The following MAPK4 variants were observed in gnomAD, a reference collection of about 807,000 sequenced individuals.
The protein encoded by MAPK4 is mitogen-activated protein kinase 4.
In MAPK4, 22 loss-of-function variants were observed where a neutral mutation model predicts 47.7. That is an observed-to-expected ratio of 0.46 (90% CI 0.33 to 0.66). MAPK4 has a LOEUF of 0.66. Ranked by LOEUF, MAPK4 falls within the 30% of genes least tolerant of loss-of-function variation. The pLI is 0.02. For synonymous variants in MAPK4, 390 were observed against 365.7 expected (o/e 1.07, Z -0.76); for missense variants, 736 against 831.7 (o/e 0.88, Z 1.42).
intron 1 of MAPK4, among the ~76,000 whole-genome samples, chr18:50,593,527 A>G (rs2042455957): frequency 6.6e-6 from 1 of 152,202 alleles, no homozygotes; most frequent in Non-Finnish European, 1.5e-5. Flanking sequence ...TGTGAAGTGG[A>G]ACGAATCCTA....
intron 1 of MAPK4, among the ~76,000 whole-genome samples, chr18:50,653,182 T>C (rs369885378): frequency 2.7e-5 from 4 of 150,772 alleles, no homozygotes; most frequent in African/African-American, 9.8e-5. Context: ...GAGCAAGACC[T>C]TAGTCTCAAA....
intron 1 of MAPK4, among the ~76,000 whole-genome samples, chr18:50,564,837 T>C (rs1488976905): frequency 6.6e-6 from 1 of 152,078 alleles, no homozygotes; most frequent in Non-Finnish European, 1.5e-5. Context: ...TAACCACCAG[T>C]CGGGAAGGAA....
chr18:50,719,969 A>C (rs894697199), intron 3 of MAPK4, among the ~76,000 whole-genome samples: 1 of 152,226 alleles, frequency 6.6e-6, no homozygotes, highest in African/African-American at 2.4e-5. Flanking sequence ...AAGTCCTTCC[A>C]GGAGATTCCT....
intron 2 of MAPK4, among the ~76,000 whole-genome samples, chr18:50,700,548 C>T (rs1909734129): frequency 1.3e-5 from 2 of 152,290 alleles, no homozygotes; most frequent in South Asian, 4.1e-4. Context: ...CTTCTGTGGG[C>T]CCATCTGCTG....
chr18:50,571,212 T>C (rs2042247193), intron 1 of MAPK4, among the ~76,000 whole-genome samples: 1 of 152,182 alleles, frequency 6.6e-6, no homozygotes, highest in South Asian at 2.1e-4. Context: ...TGCGGATTTT[T>C]AATTTCACAG....
chr18:50,716,813 C>G (rs1053601495), intron 3 of MAPK4, among the ~76,000 whole-genome samples: 1 of 152,142 alleles, frequency 6.6e-6, no homozygotes, highest in Admixed American at 6.5e-5. Context: ...TCAGGGGCAC[C>G]GTCTCCCCTC....
chr18:50,583,160 C>T (rs1427288549), intron 1 of MAPK4, among the ~76,000 whole-genome samples: 3 of 152,108 alleles, frequency 2.0e-5, no homozygotes, highest in Admixed American at 6.5e-5. Flanking sequence ...AAAGAGGGGA[C>T]CCTGAAAGCA....
At chr18:50,611,390 A>T (rs1482023091) in intron 1 of MAPK4, among the ~76,000 whole-genome samples, 1 of 152,218 alleles carries the variant, frequency 6.6e-6, no homozygotes, top group Non-Finnish European at 1.5e-5. Flanking sequence ...ATCATGTTTT[A>T]AAAAATTAAG....
chr18:50,599,853 A>G (rs1231615831), intron 1 of MAPK4, among the ~76,000 whole-genome samples: 2 of 152,218 alleles, frequency 1.3e-5, no homozygotes, highest in Non-Finnish European at 2.9e-5. Context: ...CCTGAGGAGT[A>G]TCTAAGTCAT....
At chr18:50,574,466 A>C (rs2042277873) in intron 1 of MAPK4, among the ~76,000 whole-genome samples, 1 of 152,208 alleles carries the variant, frequency 6.6e-6, no homozygotes, top group Non-Finnish European at 1.5e-5. Context: ...GAGGAACCTG[A>C]AGATCAAATA....
At chr18:50,566,073 G>A (rs2042195798) in intron 1 of MAPK4, among the ~76,000 whole-genome samples, 1 of 152,178 alleles carries the variant, frequency 6.6e-6, no homozygotes, top group Non-Finnish European at 1.5e-5. Flanking sequence ...CTTTAGTGTA[G>A]AAATGTTAAA....
At chr18:50,635,762 C>G (rs1239499043) in intron 1 of MAPK4, among the ~76,000 whole-genome samples, 1 of 152,168 alleles carries the variant, frequency 6.6e-6, no homozygotes, top group African/African-American at 2.4e-5. Flanking sequence ...CCACAGGCCC[C>G]CATGGTCTGG....
intron 1 of MAPK4, among the ~76,000 whole-genome samples, chr18:50,631,738 G>A (rs962288287): frequency 6.6e-6 from 1 of 152,088 alleles, no homozygotes. Flanking sequence ...GTCCTCTTAG[G>A]GCAAAAACCT....
intron 1 of MAPK4, among the ~76,000 whole-genome samples, chr18:50,582,832 A>G (rs1012700087): frequency 1.3e-5 from 2 of 152,274 alleles, no homozygotes; most frequent in African/African-American, 2.4e-5. Flanking sequence ...TGATGCCCCA[A>G]AACTCAGAGA....
chr18:50,592,820 T>G (rs985600942), intron 1 of MAPK4, among the ~76,000 whole-genome samples: 1 of 152,226 alleles, frequency 6.6e-6, no homozygotes, highest in Non-Finnish European at 1.5e-5. Flanking sequence ...TTTCATCTAA[T>G]GCAGGTAGGT....
intron 1 of MAPK4, among the ~76,000 whole-genome samples, chr18:50,562,038 T>C (rs955165688): frequency 3.9e-5 from 6 of 152,162 alleles, no homozygotes; most frequent in Non-Finnish European, 4.4e-5. Context: ...TTAAACTAAA[T>C]AACAAAGCAA....
chr18:50,659,575 AGGCT>A (rs555847672), intron 1 of MAPK4, among the ~76,000 whole-genome samples: 142 of 152,340 alleles, frequency 9.3e-4, no homozygotes, highest in African/African-American at 3.3e-3. Flanking sequence ...GCATGTTAAA[AGGCT>A]GGATGAGTGA....
intron 2 of MAPK4, among the ~76,000 whole-genome samples, chr18:50,706,744 A>G (rs997148132): frequency 6.6e-5 from 10 of 152,336 alleles, no homozygotes; most frequent in Non-Finnish European, 1.5e-4. Context: ...TAGCCCCTCC[A>G]GCAGCAAAAT....
chr18:50,608,295 T>C (rs1050882385), intron 1 of MAPK4, among the ~76,000 whole-genome samples: 1 of 152,234 alleles, frequency 6.6e-6, no homozygotes, highest in African/African-American at 2.4e-5. Context: ...AAAATCCTTC[T>C]TGGAAGTAGA....
Sources: allele counts gnomAD v4.1 joint callset (sites outside exome capture counted in the v4.1 genomes callset), GRCh38; gene constraint gnomAD v4.1.1; transcripts MANE v1.5; gene names NCBI Gene and HGNC (gene_info 2026-07-23, HGNC 2026-07-21).